Variants in CDH22 observed in about 807,000 individuals in gnomAD.
The protein encoded by CDH22 is cadherin-22.
In CDH22, 30 loss-of-function variants were observed where a neutral mutation model predicts 58.4. The ratio of observed to expected loss-of-function variants is 0.51; its 90% CI spans 0.38 to 0.70. The LOEUF (loss-of-function observed/expected upper bound fraction) is 0.70, where lower values mean the gene tolerates loss of function less well. CDH22 is among the 30% of genes least tolerant of loss of function. The pLI is 0.00. For synonymous variants in CDH22, 513 were observed against 558.2 expected, an observed-to-expected ratio of 0.92 and a Z score of 1.14; for missense variants, 1,014 against 1,233.9, an observed-to-expected ratio of 0.82 and a Z score of 2.67.
chr20:46,277,153 A>T (rs1340883272), intron 1 of CDH22, among the ~76,000 whole-genome samples: 1 of 152,192 alleles, frequency 6.6e-6, no homozygotes, highest in Non-Finnish European at 1.5e-5. Flanking sequence ...AGAAAAAAAA[A>T]AAAAAGGAAA....
At chr20:46,221,102 A>G (rs73117007) in intron 4 of CDH22, among the ~76,000 whole-genome samples, 12,024 of 152,216 alleles carry the variant, frequency 0.079, 654 homozygotes, top group Middle Eastern at 0.14. Context: ...AAAAGGCCAC[A>G]TGGAGAGGGA....
intron 8 of CDH22, among the ~76,000 whole-genome samples, chr20:46,192,273 T>C (rs1485941948): frequency 6.6e-6 from 1 of 152,228 alleles, no homozygotes; most frequent in African/African-American, 2.4e-5. Flanking sequence ...GTGGCATTTC[T>C]GACCATGGCC....
chr20:46,209,186 A>G (rs1388268616), intron 7 of CDH22, among the ~76,000 whole-genome samples: 3 of 152,214 alleles, frequency 2.0e-5, no homozygotes, highest in African/African-American at 4.8e-5. Flanking sequence ...AGAAGGTCTC[A>G]CTGAGAAGAT....
Position 46,186,707 on chromosome 20 carries a change from T to C in CDH22, c.1546-2A>G. ...CACCACGCTGATGGTCTGGATGAGC[T>C]GAAGGGTGAGGAGGGGATAGAGGGC... On this transcript the variant is annotated splice_acceptor_variant, in intron 9 of 11. Coordinates refer to ENST00000537909, the MANE Select transcript of CDH22 (RefSeq NM_021248.3). LOFTEE classifies it high-confidence loss of function. The C allele has an allele frequency of 6.2e-7, 1 of 1,613,486 alleles. No individual in the cohort carries two copies. Among genetic ancestry groups the C allele is most frequent in the Non-Finnish European group, 8.5e-7 (1 of 1,179,716 alleles).
chr20:46,269,963 G>C (rs1959874835), intron 1 of CDH22, among the ~76,000 whole-genome samples: 1 of 152,136 alleles, frequency 6.6e-6, no homozygotes, highest in Admixed American at 6.5e-5. Flanking sequence ...TGTAGTAGGT[G>C]CTCAAAAAAG....
chr20:46,197,394 C>A (rs115755479), intron 8 of CDH22, among the ~76,000 whole-genome samples: 2,865 of 152,096 alleles, frequency 0.019, 70 homozygotes, highest in African/African-American at 0.052. Context: ...AAATGGCAGC[C>A]TTACAGGCTT....
At chr20:46,294,070 T>C (rs2086618117) in intron 1 of CDH22, among the ~76,000 whole-genome samples, 2 of 152,092 alleles carry the variant, frequency 1.3e-5, no homozygotes, top group African/African-American at 4.8e-5. Context: ...GTTTCTTCAC[T>C]TGTAAAATGG....
chr20:46,256,971 C>T (rs2086409525), intron 1 of CDH22, among the ~76,000 whole-genome samples: 1 of 149,306 alleles, frequency 6.7e-6, no homozygotes, highest in South Asian at 2.1e-4. Flanking sequence ...ACACCATTAA[C>T]ACTCCAGTCT....
At chr20:46,246,496 G>A (rs1027207357) in intron 2 of CDH22, among the ~76,000 whole-genome samples, 7 of 152,136 alleles carry the variant, frequency 4.6e-5, no homozygotes, top group East Asian at 3.9e-4. Context: ...ATTATAGTTC[G>A]GAAAACGGAT....
chr20:46,180,450 C>T (rs1300442328), intron 10 of CDH22, among the ~76,000 whole-genome samples: 1 of 152,170 alleles, frequency 6.6e-6, no homozygotes, highest in East Asian at 1.9e-4. Context: ...GATGCGTCAA[C>T]CCCAGCTGGG....
At chr20:46,271,426 A>G (rs909075318) in intron 1 of CDH22, among the ~76,000 whole-genome samples, 2 of 152,170 alleles carry the variant, frequency 1.3e-5, no homozygotes, top group African/African-American at 4.8e-5. Context: ...GTGCTCAAGT[A>G]GATTCCATCT....
chr20:46,213,213 G>A (rs1233879249), intron 5 of CDH22, 25 bp from the exon 6 acceptor site: 1 of 1,607,634 alleles, frequency 6.2e-7, no homozygotes. Context: ...GCCATGAGCA[G>A]GGATGAAGGC....
intron 1 of CDH22, among the ~76,000 whole-genome samples, chr20:46,270,699 A>G (rs1198502781): frequency 4.6e-5 from 7 of 152,162 alleles, no homozygotes; most frequent in Non-Finnish European, 7.4e-5. Context: ...TGAGACCCTA[A>G]GTCTGTGTTC....
intron 1 of CDH22, among the ~76,000 whole-genome samples, chr20:46,275,499 A>G (rs979463036): frequency 1.3e-5 from 2 of 152,150 alleles, no homozygotes; most frequent in Non-Finnish European, 2.9e-5. Flanking sequence ...TATGCGATTT[A>G]CTTATTTATG....
In CDH22 at chr20:46,241,161, C is replaced by T. The variant is rs372007812; in HGVS notation, c.352G>A (p.Asp118Asn). 1.9e-5 allele frequency: 31 copies of T among 1,614,038 alleles called. No individual in the cohort carries two copies. Among genetic ancestry groups the T allele is most frequent in the Middle Eastern group, 3.3e-4 (2 of 6,084 alleles). ...TCCAGGCGCTCCATGGCATGAATGTCGCCTGTCAGCTCGTCGATCAGGAAG... is the reference window on the plus strand; with the variant it reads ...TCCAGGCGCTCCATGGCATGAATGTTGCCTGTCAGCTCGTCGATCAGGAAG... ...TIFLIDELTG[D>N]IHAMERLDRE... The change falls in exon 3 of 12, where the codon GAC becomes AAC. Residue 118 changes from aspartate to asparagine, a missense_variant. Transcript: ENST00000537909. This position sits in a 1 kb window ranked among gnomAD's most constrained non-coding sequence, Gnocchi z 5.2.
rs1185154618 is a variant in CDH22, at chr20:46,291,457, T to C, written c.-400+16798A>G. On this transcript the variant is annotated intron_variant, in intron 1 of 11. Coordinates refer to ENST00000537909, the MANE Select transcript of CDH22 (RefSeq NM_021248.3). ...TAATCCCCGTTTTACAGATTGGAAA[T>C]GGAGGCAAAGGGGTCAGGTAAGTTG... 2.0e-5 allele frequency among the ~76,000 whole-genome samples: 3 copies of C among 152,198 alleles called. 1 individual carries two copies. The highest frequency in any genetic ancestry group is 1.3e-4 in the Admixed American group (2 of 15,276).
intron 1 of CDH22, among the ~76,000 whole-genome samples, chr20:46,302,244 A>G (rs922992606): frequency 2.6e-5 from 4 of 152,102 alleles, no homozygotes; most frequent in African/African-American, 4.8e-5. Context: ...CCTCCACACT[A>G]TCAACAGTTT....
In CDH22 at chr20:46,210,513, G is replaced by A. The variant is rs187228728; in HGVS notation, c.1080C>T (p.Ala360=). The A allele has an allele frequency of 1.2e-4, 172 of 1,436,304 alleles. No homozygotes were observed. In the East Asian group the frequency reaches 3.4e-3, roughly 28 times the overall value. 89.0% of individuals were successfully genotyped at this position (1,436,304 alleles called of 1,614,324 possible). ...SQPVHTVILE[A]LNKFVDPRFA... ...AGCGGGGGTCCACGAACTTGTTGAG[G>A]GCCTCCAGGATCACGGTGTGCACGG... The change falls in exon 7 of 12, where the codon GCC becomes GCT. Residue 360 remains alanine, a synonymous_variant. Transcript: ENST00000537909. This position sits in a 1 kb window ranked among gnomAD's most constrained non-coding sequence, Gnocchi z 4.5.
intron 10 of CDH22, among the ~76,000 whole-genome samples, chr20:46,183,361 G>A (rs560799501): frequency 7.2e-5 from 11 of 152,212 alleles, no homozygotes; most frequent in East Asian, 5.8e-4. Context: ...TTTGGTCAGC[G>A]TCCTTTCTGA....
Sources: gnomAD v4.1 joint callset for allele counts (sites outside exome capture counted in the v4.1 genomes callset) on GRCh38, gnomAD v4.1.1 for gene constraint, Gnocchi (gnomAD v3.1) non-coding constraint, MANE v1.5 for transcripts, NCBI Gene and HGNC (gene_info 2026-07-23, HGNC 2026-07-21) for gene names.